Variants in TRPC6 observed in about 807,000 individuals in gnomAD.
TRPC6 encodes transient receptor potential cation channel subfamily C member 6.
A neutral mutation model predicts 90.7 loss-of-function variants in TRPC6; 55 were observed. The ratio of observed to expected loss-of-function variants is 0.61; its 90% CI spans 0.49 to 0.76. The LOEUF is 0.76. TRPC6 is among the 30% of genes least tolerant of loss of function. TRPC6 has a pLI of 0.00. For synonymous variants in TRPC6, 393 were observed against 393.0 expected, an observed-to-expected ratio of 1.00 and a Z score of 0.00; for missense variants, 989 against 1,122.7, an observed-to-expected ratio of 0.88 and a Z score of 1.70.
chr11:101,575,816 C>A (rs978024786), intron 1 of TRPC6, among the ~76,000 whole-genome samples: 3 of 152,002 alleles, frequency 2.0e-5, no homozygotes, highest in Admixed American at 1.3e-4. Context: ...CTATCCGTAC[C>A]CAGGATATAA....
At chr11:101,489,311 C>A (rs1001954452) in intron 3 of TRPC6, among the ~76,000 whole-genome samples, 3 of 152,104 alleles carry the variant, frequency 2.0e-5, no homozygotes, top group Admixed American at 6.5e-5. Flanking sequence ...ATTTATCAAG[C>A]TTTTCCTTTA....
Position 101,473,719 on chromosome 11 carries a change from G to A in TRPC6, c.1799C>T (p.Ala600Val). 1 of 1,613,704 alleles carries A rather than the reference G, an allele frequency of 6.2e-7. No homozygotes were observed. Among genetic ancestry groups the A allele is most frequent in the Non-Finnish European group, 8.5e-7 (1 of 1,179,748 alleles). The change falls in exon 7 of 13, where the codon GCA becomes GTA. Residue 600 changes from alanine (A) to valine (V), a missense_variant. Physicochemically the swap from Ala to Val is moderately conservative, Grantham distance 64. Coordinates refer to ENST00000344327, the MANE Select transcript of TRPC6 (RefSeq NM_004621.6). ...DPQIISEGLY[A>V]IAVVLSFSRI... is the part of the protein sequence containing the mutation. Reference sequence around the variant, plus strand: ...AGAGAAACTTAAAACTACAGCAATTGCATAAAGACCTTCAGATATTATTTG... The same window carrying A: ...AGAGAAACTTAAAACTACAGCAATTACATAAAGACCTTCAGATATTATTTG...
chr11:101,511,932 G>A lies in TRPC6; in HGVS notation c.171-7134C>T, dbSNP rs186016220. 1.7e-3 allele frequency among the ~76,000 whole-genome samples: 257 copies of A among 152,216 alleles called. 3 individuals carry two copies. The Middle Eastern group carries it at 0.017, about 10-fold the overall frequency. On this transcript the variant is annotated intron_variant, in intron 1 of 12. Transcript: ENST00000344327. The stretch of plus-strand genomic sequence containing the variant: ...AGCTTGAATCCAGGAGGCAGAGGTT[G>A]CAGTGAGCCGAGATCACGCCACTGC...
chr11:101,487,571 C>A (rs988574354), intron 4 of TRPC6, among the ~76,000 whole-genome samples: 1 of 151,742 alleles, frequency 6.6e-6, no homozygotes. Context: ...TCTATCATTC[C>A]ACACTCCATG....
rs1254232385 is a variant in TRPC6 at position 101,574,660 on chromosome 11, C to T, written c.170+8674G>A. 1.4e-5 allele frequency among the ~76,000 whole-genome samples: 2 copies of T among 146,618 alleles called. 1 individual carries two copies. Among genetic ancestry groups the T allele is most frequent in the African/African-American group, 5.3e-5 (2 of 37,836 alleles). On this transcript the variant is annotated intron_variant, in intron 1 of 12. Coordinates refer to ENST00000344327, the MANE Select transcript of TRPC6 (RefSeq NM_004621.6). ...TAGGTTAAGTGTGGGGATTTTCTTA[C>T]TGCCCAGGATCAGCTTTTTATAGCT... is the stretch of plus-strand genomic sequence containing the variant.
intron 5 of TRPC6, among the ~76,000 whole-genome samples, chr11:101,479,865 A>T (rs1216682579): frequency 1.3e-5 from 2 of 152,112 alleles, no homozygotes; most frequent in East Asian, 1.9e-4. Context: ...AAAAGGAAAA[A>T]ATATATATAA....
At chr11:101,582,654 C>T (rs1287697862) in intron 1 of TRPC6, among the ~76,000 whole-genome samples, 2 of 152,158 alleles carry the variant, frequency 1.3e-5, no homozygotes, top group Non-Finnish European at 2.9e-5. Flanking sequence ...TTCTATAGCC[C>T]GTGAGTCTCC....
At chr11:101,551,389 C>A (rs1337900996) in intron 1 of TRPC6, among the ~76,000 whole-genome samples, 1 of 151,802 alleles carries the variant, frequency 6.6e-6, no homozygotes, top group Non-Finnish European at 1.5e-5. Context: ...AACTGTTTGT[C>A]AAAAAGAAGG....
At chr11:101,505,753 G>A (rs993634495) in intron 1 of TRPC6, among the ~76,000 whole-genome samples, 3 of 152,080 alleles carry the variant, frequency 2.0e-5, no homozygotes, top group South Asian at 2.1e-4. Context: ...TATGGCTCAC[G>A]CCTATAATCC....
chr11:101,554,169 C>T (rs1256033055), intron 1 of TRPC6, among the ~76,000 whole-genome samples: 1 of 151,960 alleles, frequency 6.6e-6, no homozygotes, highest in Non-Finnish European at 1.5e-5. Context: ...GCAGACAGAC[C>T]AGTATATTCA....
intron 1 of TRPC6, among the ~76,000 whole-genome samples, chr11:101,542,638 C>G (rs10791497): frequency 0.36 from 54,384 of 150,066 alleles, 10,148 homozygotes; most frequent in East Asian, 0.45. Flanking sequence ...AAACTAAAGA[C>G]AGAATAGTAT....
intron 2 of TRPC6, among the ~76,000 whole-genome samples, chr11:101,497,328 A>G (rs1455464964): frequency 6.6e-6 from 1 of 152,138 alleles, no homozygotes; most frequent in Non-Finnish European, 1.5e-5. Flanking sequence ...CTCGCAGACT[A>G]TTTTGCTTGT....
chr11:101,520,047 C>A (rs1438174752), intron 1 of TRPC6: 1 of 152,038 alleles, frequency 6.6e-6, no homozygotes, highest in Non-Finnish European at 1.5e-5. Flanking sequence ...TCAGGTATTT[C>A]TTTACTGAGA....
chr11:101,567,233 G>A (rs1861856869), intron 1 of TRPC6, among the ~76,000 whole-genome samples: 1 of 151,986 alleles, frequency 6.6e-6, no homozygotes, highest in Non-Finnish European at 1.5e-5. Context: ...TATCCTCACA[G>A]TATAAACAAA....
At chr11:101,462,325 A>C (rs1386806692) in intron 10 of TRPC6, among the ~76,000 whole-genome samples, 10 of 152,196 alleles carry the variant, frequency 6.6e-5, no homozygotes, top group East Asian at 3.9e-4. Context: ...AGTTTAAAGT[A>C]GTTTTTTCCA....
intron 5 of TRPC6, among the ~76,000 whole-genome samples, chr11:101,482,540 C>A (rs773302222): frequency 6.6e-6 from 1 of 152,180 alleles, no homozygotes; most frequent in African/African-American, 2.4e-5. Context: ...TGGAATAATT[C>A]TTGGCACAAA....
intron 10 of TRPC6, among the ~76,000 whole-genome samples, chr11:101,460,498 C>T (rs1858980677): frequency 6.6e-6 from 1 of 151,648 alleles, no homozygotes; most frequent in African/African-American, 2.4e-5. Flanking sequence ...TATTTTTGAC[C>T]TGTAGTTGGT....
At position 101,504,735 on chromosome 11, in the gene TRPC6, C is replaced by G; in HGVS notation, c.234G>C (p.Arg78Ser). ...TGTATGCTGGTCCTCGATTAGCTAA[C>G]CTTCTCCCCTTCTCACGGAGAACTG... ...RQTVLREKGR[R>S]LANRGPAYMF... Residue 78 changes from arginine (R) to serine (S), a missense_variant, in exon 2 of 13, where the codon AGG becomes AGC. By Grantham distance (110) the Arg-to-Ser change is moderately radical (BLOSUM62 -1). Transcript: ENST00000344327. 1.9e-6 allele frequency: 3 copies of G among 1,599,128 alleles called. No individual in the cohort carries two copies. The highest frequency in any genetic ancestry group is 2.6e-6 in the Non-Finnish European group (3 of 1,172,536).
intron 1 of TRPC6, among the ~76,000 whole-genome samples, chr11:101,505,535 G>A (rs7927661): frequency 0.46 from 69,867 of 152,040 alleles, 16,433 homozygotes; most frequent in African/African-American, 0.55. Flanking sequence ...CAGAGGTATC[G>A]GCTAGATGTT....
Sources: allele counts gnomAD v4.1 joint callset (sites outside exome capture counted in the v4.1 genomes callset), GRCh38; gene constraint gnomAD v4.1.1; transcripts MANE v1.5; gene names NCBI Gene and HGNC (gene_info 2026-07-23, HGNC 2026-07-21).